The following HSD17B7 variants were observed in gnomAD, a reference collection of about 807,000 sequenced individuals.
HSD17B7 encodes the protein hydroxysteroid 17-beta dehydrogenase 7.
A neutral mutation model predicts 34.1 loss-of-function variants in HSD17B7; 17 were observed. The observed-to-expected ratio is 0.50, with a 90% CI of 0.34 to 0.75. The LOEUF (loss-of-function observed/expected upper bound fraction) is 0.75, where lower values mean the gene tolerates loss of function less well. Among genes scored for constraint, HSD17B7 ranks in the 30% least tolerant of loss-of-function variants. The pLI is 0.01. For missense variants in HSD17B7, 296 were observed against 406.6 expected, an observed-to-expected ratio of 0.73 and a Z score of 2.34; for synonymous variants, 122 against 154.6, an observed-to-expected ratio of 0.79 and a Z score of 1.56.
chr1:162,811,746 G>A (rs1649177907), intron 8 of HSD17B7, among the ~76,000 whole-genome samples: 2 of 152,200 alleles, frequency 1.3e-5, no homozygotes, highest in South Asian at 4.1e-4. Context: ...GAGTGGTATG[G>A]AAGAAGGGAA....
intron 8 of HSD17B7, among the ~76,000 whole-genome samples, chr1:162,810,106 T>C (rs1649125223): frequency 6.6e-6 from 1 of 152,254 alleles, no homozygotes; most frequent in African/African-American, 2.4e-5. Context: ...AATTTCACTC[T>C]ACACACTGCT....
intron 5 of HSD17B7, among the ~76,000 whole-genome samples, chr1:162,801,590 T>C (rs573807378): frequency 6.6e-6 from 1 of 152,336 alleles, no homozygotes; most frequent in African/African-American, 2.4e-5. Flanking sequence ...AGCATGTTCA[T>C]ATGTACATGT....
intron 2 of HSD17B7, among the ~76,000 whole-genome samples, chr1:162,793,446 G>A (rs190995836): frequency 1.3e-5 from 2 of 151,058 alleles, no homozygotes; most frequent in African/African-American, 4.9e-5. Flanking sequence ...GAGCCATTGC[G>A]CCCAGCCAGT....
intron 4 of HSD17B7, 194 bp from the exon 5 acceptor site, chr1:162,799,549 A>G (rs945170854): frequency 2.9e-5 from 15 of 521,314 alleles, no homozygotes; most frequent in Admixed American, 9.5e-5. Flanking sequence ...AGAGATATAT[A>G]TGTACATACT....
In HSD17B7 at chr1:162,798,850, C is replaced by T. The variant is rs139999479; in HGVS notation, c.448-893C>T. The T allele has an allele frequency of 2.8e-3, 734 of 261,662 alleles. 5 individuals carry two copies. Among genetic ancestry groups the T allele is most frequent in the African/African-American group, 0.016 (679 of 42,882 alleles). The allele number at this position is 261,662 out of a possible 1,614,324, so 16.2% of individuals were successfully genotyped here. On this transcript the variant is annotated intron_variant, in intron 4 of 8. Transcript: ENST00000254521. Reference sequence around the variant, plus strand: ...ATCTCTATCAAAAAACAAAATTAGCCGAGTGTGGTGACGCATGCCTGTAAT... The same window carrying T: ...ATCTCTATCAAAAAACAAAATTAGCTGAGTGTGGTGACGCATGCCTGTAAT...
chr1:162,809,051 T>A (rs1387563303), intron 8 of HSD17B7, among the ~76,000 whole-genome samples: 1 of 152,210 alleles, frequency 6.6e-6, no homozygotes, highest in Non-Finnish European at 1.5e-5. Flanking sequence ...TGTGCCAGTT[T>A]TCAAAGGGAA....
At chr1:162,811,253 C>A (rs1649161114) in intron 8 of HSD17B7, among the ~76,000 whole-genome samples, 1 of 152,202 alleles carries the variant, frequency 6.6e-6, no homozygotes, top group Non-Finnish European at 1.5e-5. Context: ...AAATTCTTTT[C>A]TTTAAGAATG....
In HSD17B7 at chr1:162,796,636, A is replaced by T; in HGVS notation, c.291A>T (p.Pro97=). The change falls in exon 3 of 9, where the codon CCA becomes CCT. Residue 97 remains proline (P), a synonymous_variant. Coordinates refer to ENST00000254521, the MANE Select transcript of HSD17B7 (RefSeq NM_016371.4). ...TAAATGCTGGGATCATGCCTAATCC[A>T]CAACTAAATATCAAAGCACTTTTCT... ...IYLNAGIMPN[P]QLNIKALFFG... 1 of 1,612,534 alleles carries T rather than the reference A, an allele frequency of 6.2e-7. No homozygotes were observed. The highest frequency in any genetic ancestry group is 8.5e-7 in the Non-Finnish European group (1 of 1,178,664).
chr1:162,800,426 C>T, intron 5 of HSD17B7: 2 of 382,178 alleles, frequency 5.2e-6, no homozygotes, highest in Non-Finnish European at 1.0e-5. Flanking sequence ...CATGCTGCCG[C>T]CTAGTGTTTG....
chr1:162,807,645 G>A (rs1649030170), intron 8 of HSD17B7, among the ~76,000 whole-genome samples: 1 of 152,112 alleles, frequency 6.6e-6, no homozygotes, highest in African/African-American at 2.4e-5. Context: ...GTTGTTTCCT[G>A]ACTTTTTAAT....
At chr1:162,811,335 C>T (rs1159842987) in intron 8 of HSD17B7, among the ~76,000 whole-genome samples, 1 of 152,122 alleles carries the variant, frequency 6.6e-6, no homozygotes, top group East Asian at 1.9e-4. Context: ...GTCTGATGGG[C>T]TTCCCTTTGT....
chr1:162,809,350 G>A (rs1215522406), intron 8 of HSD17B7, among the ~76,000 whole-genome samples: 6 of 152,168 alleles, frequency 3.9e-5, no homozygotes, highest in African/African-American at 9.7e-5. Context: ...GCTTTTTGAT[G>A]TGCTGCTGGA....
At chr1:162,793,939 C>T (rs60388484) in intron 2 of HSD17B7, among the ~76,000 whole-genome samples, 2,718 of 152,118 alleles carry the variant, frequency 0.018, 76 homozygotes, top group African/African-American at 0.062. Context: ...CAGTAATTGG[C>T]ATGTAATAGA....
At chr1:162,795,569 G>A in intron 2 of HSD17B7, 1 of 426,308 alleles carries the variant, frequency 2.3e-6, no homozygotes, top group South Asian at 1.8e-5. Flanking sequence ...AATAATATCA[G>A]CATTTTAAAT....
In HSD17B7 at chr1:162,799,853, C is replaced by T. The variant is rs1429736009; in HGVS notation, c.558C>T (p.His186=). Residue 186 remains histidine (H), a synonymous_variant, in exon 5 of 9, where the codon CAC becomes CAT. Transcript: ENST00000254521. ...KSNFSLEDFQ[H]SKGKEPYSSS... is the part of the protein sequence containing the mutation. ...ATTTCAGCCTCGAGGACTTCCAGCA[C>T]AGCAAAGGCAAGGAACCCTACAGCT... 5.6e-6 allele frequency: 9 copies of T among 1,613,906 alleles called. No individual in the cohort carries two copies. The highest frequency in any genetic ancestry group is 5.9e-6 in the Non-Finnish European group (7 of 1,179,934).
intron 8 of HSD17B7, among the ~76,000 whole-genome samples, chr1:162,809,595 C>G (rs1177607720): frequency 6.6e-6 from 1 of 152,018 alleles, no homozygotes; most frequent in Non-Finnish European, 1.5e-5. Context: ...CCATCTGGTC[C>G]TGGGCTTTTT....
chr1:162,812,190 T>C, intron 8 of HSD17B7, 108 bp from the exon 9 acceptor site: 1 of 1,389,474 alleles, frequency 7.2e-7, no homozygotes, highest in Non-Finnish European at 9.6e-7. Flanking sequence ...GGCCCTTTCC[T>C]GCTGCCTCCT....
At position 162,790,845 on chromosome 1, in the gene HSD17B7, C is replaced by G. The variant is rs775916271; in HGVS notation, c.35+10C>G. 6.2e-7 allele frequency: 1 copy of G among 1,613,688 alleles called. No homozygotes were observed. The highest frequency in any genetic ancestry group is 1.1e-5 in the South Asian group (1 of 90,976). On this transcript the variant is annotated intron_variant, in intron 1 of 8. Coordinates refer to ENST00000254521, the MANE Select transcript of HSD17B7 (RefSeq NM_016371.4). ...TCACCGGGGCTAGCAGGTGAGGCCT[C>G]CTTTGGGTTGGCAGAGGCGGCAGCG...
At chr1:162,804,028 C>CT (rs1376946342) in intron 6 of HSD17B7, among the ~76,000 whole-genome samples, 13 of 152,192 alleles carry the variant, frequency 8.5e-5, no homozygotes, top group African/African-American at 3.1e-4. Flanking sequence ...GAAGAAGTGT[C>CT]TTTTCCTTAG....
Sources: allele counts gnomAD v4.1 joint callset (sites outside exome capture counted in the v4.1 genomes callset), GRCh38; gene constraint gnomAD v4.1.1; transcripts MANE v1.5; gene names NCBI Gene and HGNC (gene_info 2026-07-23, HGNC 2026-07-21).